Variants in GATB observed in about 807,000 individuals in gnomAD.
GATB encodes glutamyl-tRNA(Gln) amidotransferase subunit B, mitochondrial.
In GATB, 39 loss-of-function variants were observed where a neutral mutation model predicts 62.3. The observed-to-expected ratio is 0.63, with a 90% CI of 0.48 to 0.82. The LOEUF is 0.82. Ranked by LOEUF, GATB falls within the 40% of genes least tolerant of loss-of-function variation. The probability of loss-of-function intolerance (pLI) is 0.00; values close to 1 mark genes in which losing one functional copy is unlikely to be tolerated. For missense variants in GATB, 670 were observed against 684.0 expected (o/e 0.98, Z 0.23); for synonymous variants, 276 against 258.9 (o/e 1.07, Z -0.63).
intron 11 of GATB, chr4:151,675,475 C>A (rs1737980129): frequency 6.6e-6 from 1 of 152,130 alleles, no homozygotes; most frequent in Non-Finnish European, 1.5e-5. Flanking sequence ...TGGCTGGAGT[C>A]CAGGAGGGTG....
intron 9 of GATB, among the ~76,000 whole-genome samples, chr4:151,695,457 C>T (rs1350007203): frequency 6.6e-6 from 1 of 152,144 alleles, no homozygotes; most frequent in Admixed American, 6.5e-5. Context: ...TCTGGAGAGA[C>T]ATGGAAAAGC....
In GATB at chr4:151,676,775, C is replaced by T. The variant is rs552707448; in HGVS notation, c.1410+3038G>A. 8.5e-5 allele frequency among the ~76,000 whole-genome samples: 13 copies of T among 152,284 alleles called. 1 individual carries two copies. The South Asian group carries it at 2.7e-3, about 32-fold the overall frequency. ...CTATTTCTGATTCTGAAGAACAAGG[C>T]TGCTTTGTGGCAGCAACCTCTTAAC... is the stretch of plus-strand genomic sequence containing the variant. On this transcript the variant is annotated intron_variant, in intron 11 of 12. Coordinates refer to ENST00000263985, the MANE Select transcript of GATB (RefSeq NM_004564.3).
chr4:151,721,890 C>T (rs1292502899), intron 2 of GATB: 13 of 386,770 alleles, frequency 3.4e-5, no homozygotes, highest in East Asian at 2.6e-4. Flanking sequence ...CACAAGCGCA[C>T]GGGCACTTCA....
At chr4:151,697,586 A>G (rs1738494099) in intron 9 of GATB, among the ~76,000 whole-genome samples, 1 of 151,694 alleles carries the variant, frequency 6.6e-6, no homozygotes, top group Non-Finnish European at 1.5e-5. Flanking sequence ...CTATGTATCA[A>G]AATTGCACTT....
At chr4:151,729,111 T>C (rs1222203110) in intron 2 of GATB, among the ~76,000 whole-genome samples, 1 of 152,190 alleles carries the variant, frequency 6.6e-6, no homozygotes, top group Non-Finnish European at 1.5e-5. Flanking sequence ...TATAGCATCA[T>C]CTTAGAGGCT....
At chr4:151,732,440 G>A (rs1343072900) in intron 2 of GATB, among the ~76,000 whole-genome samples, 3 of 152,074 alleles carry the variant, frequency 2.0e-5, no homozygotes, top group Non-Finnish European at 2.9e-5. Context: ...GTGCTCTGGG[G>A]CATGTGCTGT....
At chr4:151,671,765 A>G (rs1044568132) in intron 12 of GATB, among the ~76,000 whole-genome samples, 28 of 152,108 alleles carry the variant, frequency 1.8e-4, no homozygotes, top group African/African-American at 6.5e-4. Flanking sequence ...CAGAAAGCAG[A>G]TCTACACACT....
chr4:151,677,978 G>GGTA (rs1738044146), intron 11 of GATB: 1 of 151,834 alleles, frequency 6.6e-6, no homozygotes, highest in African/African-American at 2.4e-5. Context: ...TGATATTAAA[G>GGTA]GTAGTTATTT....
chr4:151,722,430 T>G, intron 2 of GATB: 1 of 556,670 alleles, frequency 1.8e-6, no homozygotes, highest in Non-Finnish European at 3.2e-6. Context: ...CAATGGCCCC[T>G]GATGTTCCCA....
chr4:151,740,491 T>C (rs1739462974), intron 2 of GATB, among the ~76,000 whole-genome samples: 1 of 152,244 alleles, frequency 6.6e-6, no homozygotes, highest in African/African-American at 2.4e-5. Context: ...TATTATGCCA[T>C]GATGACAAGA....
intron 11 of GATB, chr4:151,674,350 C>CG (rs1737950878): frequency 1.3e-5 from 2 of 152,214 alleles, no homozygotes; most frequent in Non-Finnish European, 2.9e-5. Context: ...ACCTGGATGG[C>CG]GTTCCATGGA....
At chr4:151,673,340 C>G (rs912931070) in intron 11 of GATB, 5 of 158,104 alleles carry the variant, frequency 3.2e-5, no homozygotes, top group African/African-American at 1.2e-4. Context: ...ATGGATCTGT[C>G]TCATGGCCGC....
Position 151,760,893 on chromosome 4 carries a change from A to G in GATB, c.90T>C (p.Ala30=). The change falls in exon 1 of 13, where the codon GCT becomes GCC. Residue 30 remains alanine, a synonymous_variant. Transcript: ENST00000263985. ...VDGGSCHRRG[A]PTGSTSNQIR... is the part of the protein sequence containing the mutation. ...TCTGGTTGGATGTGGACCCAGTCGG[A>G]GCCCCTCTTCGGTGGCAAGAACCAC... is the stretch of plus-strand genomic sequence containing the variant. The G allele has an allele frequency of 6.2e-7, 1 of 1,614,044 alleles. No homozygotes were observed. The highest frequency in any genetic ancestry group is 8.5e-7 in the Non-Finnish European group (1 of 1,179,962).
intron 9 of GATB, among the ~76,000 whole-genome samples, chr4:151,696,443 T>C (rs1188238275): frequency 1.3e-5 from 2 of 152,236 alleles, no homozygotes; most frequent in Non-Finnish European, 2.9e-5. Flanking sequence ...AAACATCAAT[T>C]AACTAAAAAC....
At chr4:151,754,285 A>G (rs1366489301) in intron 2 of GATB, among the ~76,000 whole-genome samples, 1 of 152,192 alleles carries the variant, frequency 6.6e-6, no homozygotes, top group African/African-American at 2.4e-5. Context: ...AGAGCAAGCC[A>G]CGTTGTTTTT....
At chr4:151,704,745 G>A (rs562501423) in intron 7 of GATB, among the ~76,000 whole-genome samples, 10 of 143,972 alleles carry the variant, frequency 6.9e-5, no homozygotes, top group South Asian at 4.5e-4. Flanking sequence ...GAGCCACGGC[G>A]CCTGGCCTTC....
intron 1 of GATB, among the ~76,000 whole-genome samples, chr4:151,760,419 A>G (rs1739928363): frequency 6.6e-6 from 1 of 152,146 alleles, no homozygotes; most frequent in Non-Finnish European, 1.5e-5. Flanking sequence ...CTCCCTTTCT[A>G]CCTTTAGAAC....
chr4:151,679,189 C>T (rs980184327), intron 11 of GATB, among the ~76,000 whole-genome samples: 1 of 152,178 alleles, frequency 6.6e-6, no homozygotes, highest in Non-Finnish European at 1.5e-5. Context: ...CCACTGTGCC[C>T]GGCCCTCTGG....
At chr4:151,745,893 A>C (rs1044101758) in intron 2 of GATB, among the ~76,000 whole-genome samples, 5 of 152,224 alleles carry the variant, frequency 3.3e-5, no homozygotes, top group Non-Finnish European at 7.4e-5. Flanking sequence ...TCTTGCATAC[A>C]TGTGTGAAAA....
Sources: gnomAD v4.1 joint callset for allele counts (sites outside exome capture counted in the v4.1 genomes callset) on GRCh38, gnomAD v4.1.1 for gene constraint, MANE v1.5 for transcripts, NCBI Gene and HGNC (gene_info 2026-07-23, HGNC 2026-07-21) for gene names.